The following PLD5 variants were observed in gnomAD, a reference collection of about 807,000 sequenced individuals.
PLD5 encodes inactive phospholipase D5.
A neutral mutation model predicts 61.1 loss-of-function variants in PLD5; 36 were observed. The observed-to-expected ratio is 0.59, with a 90% CI of 0.45 to 0.78. The LOEUF is 0.78. Among genes scored for constraint, PLD5 ranks in the 30% least tolerant of loss-of-function variants. The pLI is 0.00. For missense variants in PLD5, 515 were observed against 644.4 expected (o/e 0.80, Z 2.17); for synonymous variants, 243 against 242.8 (o/e 1.00, Z -0.01).
chr1:242,287,872 C>A (rs149507180), intron 3 of PLD5, among the ~76,000 whole-genome samples: 1 of 152,032 alleles, frequency 6.6e-6, no homozygotes, highest in African/African-American at 2.4e-5. Flanking sequence ...CATCCAAATA[C>A]GACAGTCGAG....
At chr1:242,510,440 C>G (rs532948410) in intron 1 of PLD5, among the ~76,000 whole-genome samples, 20 of 152,334 alleles carry the variant, frequency 1.3e-4, no homozygotes, top group Middle Eastern at 3.4e-3. Flanking sequence ...CATAAAGTCA[C>G]TGTACCACTT....
At chr1:242,308,455 G>T (rs1172661221) in intron 2 of PLD5, among the ~76,000 whole-genome samples, 1 of 152,022 alleles carries the variant, frequency 6.6e-6, no homozygotes, top group African/African-American at 2.4e-5. Flanking sequence ...ACTTTTAAAG[G>T]TACCTTCCAG....
At chr1:242,454,662 G>A (rs1025088374) in intron 1 of PLD5, among the ~76,000 whole-genome samples, 17 of 152,094 alleles carry the variant, frequency 1.1e-4, no homozygotes, top group African/African-American at 3.9e-4. Context: ...AGTTTCTAAC[G>A]CTGAAAAGTG....
chr1:242,264,267 T>G (rs1185256130), intron 4 of PLD5, among the ~76,000 whole-genome samples: 1 of 152,230 alleles, frequency 6.6e-6, no homozygotes, highest in East Asian at 1.9e-4. Flanking sequence ...TCAAAGACAT[T>G]CTGCTGCACC....
chr1:242,278,125 CAT>C (rs1373290654), intron 3 of PLD5, among the ~76,000 whole-genome samples: 3 of 152,038 alleles, frequency 2.0e-5, no homozygotes. Context: ...CTCATTTCTC[CAT>C]AGTTTCCAAA....
chr1:242,394,693 T>C (rs1414455553), intron 1 of PLD5, among the ~76,000 whole-genome samples: 6 of 53,030 alleles, frequency 1.1e-4, no homozygotes, highest in Non-Finnish European at 1.3e-4. Context: ...CATATATGTG[T>C]ATATATGTGA....
At chr1:242,411,322 G>A (rs1438377409) in intron 1 of PLD5, among the ~76,000 whole-genome samples, 9 of 152,114 alleles carry the variant, frequency 5.9e-5, no homozygotes, top group Admixed American at 5.9e-4. Flanking sequence ...TGCAAGCTCC[G>A]CCTCCCGGGT....
chr1:242,530,010 A>G, the PLD5 span, among the ~76,000 whole-genome samples: 1 of 152,060 alleles, frequency 6.6e-6, no homozygotes, highest in Non-Finnish European at 1.5e-5. Context: ...CTGAGATTAC[A>G]GGTGCCCAGA....
At chr1:242,414,230 GA>G (rs550556240) in intron 1 of PLD5, among the ~76,000 whole-genome samples, 2 of 152,150 alleles carry the variant, frequency 1.3e-5, no homozygotes, top group Non-Finnish European at 2.9e-5. Flanking sequence ...TAAAATCTGT[GA>G]AACGCAAAAG....
intron 1 of PLD5, among the ~76,000 whole-genome samples, chr1:242,415,657 C>T (rs1305364867): frequency 6.6e-6 from 1 of 151,892 alleles, no homozygotes. Flanking sequence ...GGACTACAGG[C>T]ACCCGCCACC....
intron 4 of PLD5, among the ~76,000 whole-genome samples, chr1:242,255,853 G>A (rs560328370): frequency 6.6e-6 from 1 of 152,242 alleles, no homozygotes; most frequent in Non-Finnish European, 1.5e-5. Context: ...TAAAAATACA[G>A]TGTTATTAAC....
chr1:242,342,166 G>T (rs553451747), intron 2 of PLD5, among the ~76,000 whole-genome samples: 203 of 152,294 alleles, frequency 1.3e-3, no homozygotes, highest in African/African-American at 4.7e-3. Flanking sequence ...ATGCTGACTG[G>T]TTCTGTGTGT....
At chr1:242,238,204 T>C (rs1671762871) in intron 4 of PLD5, among the ~76,000 whole-genome samples, 1 of 152,172 alleles carries the variant, frequency 6.6e-6, no homozygotes, top group African/African-American at 2.4e-5. Context: ...ATACTAGGCA[T>C]GTCCAGGTAT....
intron 5 of PLD5, among the ~76,000 whole-genome samples, chr1:242,217,406 A>C (rs10926650): frequency 6.6e-6 from 1 of 152,006 alleles, no homozygotes; most frequent in Non-Finnish European, 1.5e-5. Context: ...GTGAATCACC[A>C]AAAGTCAGGA....
intron 1 of PLD5, among the ~76,000 whole-genome samples, chr1:242,513,510 A>G (rs1238616061): frequency 6.6e-6 from 1 of 152,190 alleles, no homozygotes; most frequent in Non-Finnish European, 1.5e-5. Context: ...CAGAGGAGGG[A>G]CACCCAACCA....
At chr1:242,449,506 A>T (rs1666695346) in intron 1 of PLD5, 4 of 1,508,810 alleles carry the variant, frequency 2.7e-6, no homozygotes, top group Middle Eastern at 1.8e-4. Flanking sequence ...CAGTCCCTCA[A>T]TTGCTGGCCT....
intron 5 of PLD5, among the ~76,000 whole-genome samples, chr1:242,185,548 CAA>C (rs1459330551): frequency 1.8e-4 from 27 of 152,148 alleles, no homozygotes; most frequent in African/African-American, 5.3e-4. Context: ...TCAGGTAAGA[CAA>C]GAGCAATGAC....
chr1:242,344,096 A>G (rs1659993980), intron 2 of PLD5, among the ~76,000 whole-genome samples: 4 of 152,176 alleles, frequency 2.6e-5, no homozygotes, highest in Admixed American at 2.0e-4. Context: ...AAGCTAAACA[A>G]TAATTTCTAT....
chr1:242,494,047 T>G, intron 1 of PLD5, among the ~76,000 whole-genome samples: 1 of 151,684 alleles, frequency 6.6e-6, no homozygotes, highest in Non-Finnish European at 1.5e-5. Flanking sequence ...TGCATTGGTA[T>G]GCTTCATGTT....
Sources: gnomAD v4.1 joint callset for allele counts (sites outside exome capture counted in the v4.1 genomes callset) on GRCh38, gnomAD v4.1.1 for gene constraint, MANE v1.5 for transcripts, NCBI Gene and HGNC (gene_info 2026-07-23, HGNC 2026-07-21) for gene names.